Variants in PCDHGB6 observed in about 807,000 individuals in gnomAD.
The protein encoded by PCDHGB6 is protocadherin gamma subfamily B, 6.
A neutral mutation model predicts 59.1 loss-of-function variants in PCDHGB6; 51 were observed. That is an observed-to-expected ratio of 0.86 (90% confidence interval 0.69 to 1.09). The LOEUF (loss-of-function observed/expected upper bound fraction) is 1.09. Ranked by LOEUF, PCDHGB6 falls within the 50% of genes least tolerant of loss-of-function variation. The pLI, the probability that PCDHGB6 is intolerant of heterozygous loss-of-function variation, is 0.00. For missense variants in PCDHGB6, 1,148 were observed against 1,205.1 expected, an observed-to-expected ratio of 0.95 and a Z score of 0.70; for synonymous variants, 466 against 495.1, an observed-to-expected ratio of 0.94 and a Z score of 0.78.
rs749590670 is a variant in PCDHGB6, at chr5:141,415,328, A to T, written c.2418+4708A>T. 7.9e-5 allele frequency: 127 copies of T among 1,614,184 alleles called. No individual in the cohort carries two copies. The Admixed American group carries it at 1.9e-3, about 24-fold the overall frequency. ...GCCTTCGTCATCGTGCTGCTGGCGC[A>T]CAGGCTGCGGCGCTGGCACAAGTCA... On this transcript the variant is annotated intron_variant, in intron 1 of 3. Transcript: ENST00000520790.
At chr5:141,455,375 G>A (rs1247820974) in intron 1 of PCDHGB6, among the ~76,000 whole-genome samples, 1 of 152,132 alleles carries the variant, frequency 6.6e-6, no homozygotes, top group Non-Finnish European at 1.5e-5. Context: ...GAAGGGAGAA[G>A]ACAGAAGGAA....
rs377295503 is a variant in PCDHGB6, at chr5:141,409,990, C to T, written c.1788C>T (p.Ala596=). Residue 596 remains alanine, a synonymous_variant, in exon 1 of 4, where the codon GCC becomes GCT. Coordinates refer to ENST00000520790, the MANE Select transcript of PCDHGB6 (RefSeq NM_018926.3). Reference sequence around the variant, plus strand: ...TGACTAAGGTGGTAGCGGTGGACGCCGACTCGGGACACAACGCCTGGCTGT... The same window carrying T: ...TGACTAAGGTGGTAGCGGTGGACGCTGACTCGGGACACAACGCCTGGCTGT... ...YLVTKVVAVD[A]DSGHNAWLSY... 1 of 1,613,160 alleles carries T rather than the reference C, an allele frequency of 6.2e-7. No individual in the cohort carries two copies. The highest frequency in any genetic ancestry group is 8.5e-7 in the Non-Finnish European group (1 of 1,179,836).
At position 141,491,423 on chromosome 5, in the gene PCDHGB6, G is replaced by A; in HGVS notation, c.2419-3384G>A. The A allele has an allele frequency of 3.1e-6, 5 of 1,614,126 alleles. No homozygotes were observed. Among genetic ancestry groups the A allele is most frequent in the Non-Finnish European group, 4.2e-6 (5 of 1,180,036 alleles). ...AACGCAGACGGGGACGGGGGTGGAGGGCAGTGCTGCAGGCGCCAGGACTCA... is the reference window on the plus strand; with the variant it reads ...AACGCAGACGGGGACGGGGGTGGAGAGCAGTGCTGCAGGCGCCAGGACTCA... On this transcript the variant is annotated intron_variant, in intron 1 of 3. Transcript: ENST00000520790. The surrounding 1 kb of genome is among the most constrained non-coding windows in gnomAD (Gnocchi z 6.9).
Position 141,421,718 on chromosome 5 carries a change from G to A in PCDHGB6, c.2418+11098G>A, listed in dbSNP as rs778263773. On this transcript the variant is annotated intron_variant, in intron 1 of 3. Transcript: ENST00000520790. ...CCTAATGCTAGGGATCCAGATGTGGGCGTGAACTCCCTCCAGAGCTACCAG... is the reference window on the plus strand; with the variant it reads ...CCTAATGCTAGGGATCCAGATGTGGACGTGAACTCCCTCCAGAGCTACCAG... 3.1e-6 allele frequency: 5 copies of A among 1,613,848 alleles called. No homozygotes were observed. The highest frequency in any genetic ancestry group is 2.7e-5 in the African/African-American group (2 of 74,938).
chr5:141,502,825 G>A (rs1487995525), intron 2 of PCDHGB6, among the ~76,000 whole-genome samples: 4 of 151,216 alleles, frequency 2.6e-5, no homozygotes, highest in South Asian at 2.1e-4. Flanking sequence ...TTTCCTTGGG[G>A]AAGCCTGGAC....
chr5:141,420,293 A>T (rs1478341095), intron 1 of PCDHGB6: 1 of 1,485,484 alleles, frequency 6.7e-7, no homozygotes, highest in Admixed American at 2.2e-5. Context: ...TTAAAAATGT[A>T]TTTAATCCTT....
At position 141,485,320 on chromosome 5, in the gene PCDHGB6, T is replaced by G; in HGVS notation, c.2419-9487T>G. The G allele has an allele frequency of 6.2e-7, 1 of 1,614,114 alleles. No individual in the cohort carries two copies. The highest frequency in any genetic ancestry group is 8.5e-7 in the Non-Finnish European group (1 of 1,180,018). ...AAGGGACTTTTGTAGGGAATGTCGC[T>G]CAAGATTTCCTGCTGGATACGGACA... is the stretch of plus-strand genomic sequence containing the variant. On this transcript the variant is annotated intron_variant, in intron 1 of 3. Transcript: ENST00000520790. The surrounding 1 kb of genome is among the most constrained non-coding windows in gnomAD (Gnocchi z 5.7).
chr5:141,475,761 T>C (rs1430719406), intron 1 of PCDHGB6, among the ~76,000 whole-genome samples: 3 of 152,248 alleles, frequency 2.0e-5, no homozygotes, highest in Admixed American at 6.5e-5. Flanking sequence ...GCACCGATAC[T>C]GGCAAGGCGC....
intron 1 of PCDHGB6, among the ~76,000 whole-genome samples, chr5:141,481,836 G>A (rs1435746995): frequency 2.7e-5 from 4 of 150,638 alleles, no homozygotes; most frequent in Non-Finnish European, 5.9e-5. Context: ...CAGGAGAATC[G>A]CTTGATGGTG....
At position 141,408,760 on chromosome 5, in the gene PCDHGB6, C is replaced by T; in HGVS notation, c.558C>T (p.Ser186=). ...TTTCATTAATGGTTAGAGTTAATTC[C>T]GATGGTGGCAAATACCCAGAGTTAT... ...PYFSLMVRVN[S]DGGKYPELSL... Residue 186 remains serine, a synonymous_variant, in exon 1 of 4, where the codon TCC becomes TCT. Transcript: ENST00000520790. 1 of 1,610,404 alleles carries T rather than the reference C, an allele frequency of 6.2e-7. No homozygotes were observed.
chr5:141,410,239 T>C lies in PCDHGB6; in HGVS notation c.2037T>C (p.Pro679=). ...QEILPDLSDR[P]VLSDPQAELQ... Reference sequence around the variant, plus strand: ...TACTGCCAGACCTCAGCGACCGCCCTGTACTCTCTGACCCCCAGGCTGAAC... The same window carrying C: ...TACTGCCAGACCTCAGCGACCGCCCCGTACTCTCTGACCCCCAGGCTGAAC... The change falls in exon 1 of 4, where the codon CCT becomes CCC. Residue 679 remains proline (P), a synonymous_variant. Coordinates refer to ENST00000520790, the MANE Select transcript of PCDHGB6 (RefSeq NM_018926.3). 2 of 1,614,024 alleles carry C rather than the reference T, an allele frequency of 1.2e-6. No individual in the cohort carries two copies. Among genetic ancestry groups the C allele is most frequent in the Admixed American group, 1.7e-5 (1 of 60,036 alleles).
At position 141,476,418 on chromosome 5, in the gene PCDHGB6, T is replaced by C. The variant is rs201255025; in HGVS notation, c.2419-18389T>C. On this transcript the variant is annotated intron_variant, in intron 1 of 3. Transcript: ENST00000520790. This position sits in a 1 kb window ranked among gnomAD's most constrained non-coding sequence, Gnocchi z 7.6. The stretch of plus-strand genomic sequence containing the variant: ...GATCGAGAGGAGCTGTGTGGGACAC[T>C]GCCCTCTTGCACTGTAACTCTGGAG... 6.2e-7 allele frequency: 1 copy of C among 1,614,122 alleles called. No individual in the cohort carries two copies. Among genetic ancestry groups the C allele is most frequent in the Non-Finnish European group, 8.5e-7 (1 of 1,180,002 alleles).
At chr5:141,429,387 T>A (rs372199649) in intron 1 of PCDHGB6, among the ~76,000 whole-genome samples, 4,783 of 151,430 alleles carry the variant, frequency 0.032, 106 homozygotes, top group African/African-American at 0.043. Context: ...GTTTTTTTTT[T>A]AAAAAAAATT....
rs375516156 is a variant in PCDHGB6 at position 141,510,311 on chromosome 5, C to G, written c.2567-636C>G. Among the ~76,000 whole-genome samples, 70 of 151,056 alleles carry G rather than the reference C, an allele frequency of 4.6e-4. No homozygotes were observed. The South Asian group carries it at 0.014, about 31-fold the overall frequency. On this transcript the variant is annotated intron_variant, in intron 3 of 3. Transcript: ENST00000520790. The stretch of plus-strand genomic sequence containing the variant: ...AAAAAATGCTGTTTTGAAATGGAGG[C>G]TTGGAAGAGCACTCTTCACCCCCAC...
At chr5:141,479,206 T>C (rs987807222) in intron 1 of PCDHGB6, 3 of 152,400 alleles carry the variant, frequency 2.0e-5, no homozygotes, top group African/African-American at 7.2e-5. Context: ...CAGAAAAGTA[T>C]TTAAAAAATT....
chr5:141,483,711 A>G (rs1258383632), intron 1 of PCDHGB6, among the ~76,000 whole-genome samples: 2 of 152,122 alleles, frequency 1.3e-5, no homozygotes, highest in African/African-American at 2.4e-5. Context: ...TGACACCAGA[A>G]TATTGGTTCC....
chr5:141,412,930 C>A, intron 1 of PCDHGB6: 1 of 451,594 alleles, frequency 2.2e-6, no homozygotes, highest in Non-Finnish European at 3.9e-6. Context: ...GCAGTAACTT[C>A]TTAGGACTCT....
intron 1 of PCDHGB6, chr5:141,415,851 T>A: frequency 8.1e-7 from 1 of 1,228,614 alleles, no homozygotes; most frequent in Non-Finnish European, 1.1e-6. Flanking sequence ...TTGCAGAACC[T>A]TGTAGTTTAT....
At chr5:141,422,375 TCTC>T in intron 1 of PCDHGB6, 1 of 1,570,814 alleles carries the variant, frequency 6.4e-7, no homozygotes, top group Non-Finnish European at 8.6e-7. Context: ...AATGGTCAAG[TCTC>T]CTGTTTTATT....
Sources: gnomAD v4.1 joint callset for allele counts (sites outside exome capture counted in the v4.1 genomes callset) on GRCh38, gnomAD v4.1.1 for gene constraint, Gnocchi (gnomAD v3.1) non-coding constraint, MANE v1.5 for transcripts, NCBI Gene and HGNC (gene_info 2026-07-23, HGNC 2026-07-21) for gene names.